Variants in CNTN3 observed in about 807,000 individuals in gnomAD.
CNTN3 encodes the protein contactin-3.
CNTN3 carries 60 observed loss-of-function variants against 119.1 expected under a neutral mutation model. The ratio of observed to expected loss-of-function variants is 0.50; its 90% CI spans 0.41 to 0.62. The LOEUF (loss-of-function observed/expected upper bound fraction) is 0.62, where lower values mean the gene tolerates loss of function less well. Ranked by LOEUF, CNTN3 falls within the 20% of genes least tolerant of loss-of-function variation. The pLI is 0.00. For synonymous variants in CNTN3, 450 were observed against 438.7 expected, an observed-to-expected ratio of 1.03 and a Z score of -0.32; for missense variants, 1,101 against 1,242.4, an observed-to-expected ratio of 0.89 and a Z score of 1.71.
chr3:74,495,622 CAGA>C (rs1480069299), intron 3 of CNTN3, among the ~76,000 whole-genome samples: 35 of 152,054 alleles, frequency 2.3e-4, no homozygotes, highest in Admixed American at 1.2e-3. Flanking sequence ...AAATGGTTAG[CAGA>C]ATTTAGCACA....
chr3:74,505,686 G>A (rs1703245705), intron 2 of CNTN3, among the ~76,000 whole-genome samples: 1 of 151,766 alleles, frequency 6.6e-6, no homozygotes, highest in African/African-American at 2.4e-5. Flanking sequence ...TGTAACCAAT[G>A]CTCTAGAAAA....
chr3:74,357,324 C>T (rs750317522), intron 11 of CNTN3, among the ~76,000 whole-genome samples: 1 of 151,942 alleles, frequency 6.6e-6, no homozygotes, highest in Non-Finnish European at 1.5e-5. Context: ...CCTCTTGTTG[C>T]CCAGGCTGGA....
At chr3:74,435,463 C>T (rs1057064486) in intron 4 of CNTN3, among the ~76,000 whole-genome samples, 2 of 152,136 alleles carry the variant, frequency 1.3e-5, no homozygotes, top group South Asian at 4.1e-4. Flanking sequence ...AGGCATGAGC[C>T]ACCACACTGA....
intron 5 of CNTN3, 142 bp from the exon 6 acceptor site, chr3:74,371,541 T>C (rs1169773683): frequency 1.6e-6 from 1 of 624,292 alleles, no homozygotes; most frequent in East Asian, 2.7e-5. Context: ...GAGAAGCAGT[T>C]AAGTGAAATA....
rs1171316521 is a variant in CNTN3, at chr3:74,263,849, C to G, written c.*552G>C. On this transcript the variant is annotated 3_prime_UTR_variant, in exon 23 of 23. Coordinates refer to ENST00000263665, the MANE Select transcript of CNTN3 (RefSeq NM_020872.3). ...AGTCTTACAACTAGTTAGCAGCATA[C>G]CAAACCAAACATCATTCTTCTAAGC... The G allele has an allele frequency of 6.6e-6, 1 of 152,060 alleles. No homozygotes were observed. Among genetic ancestry groups the G allele is most frequent in the Non-Finnish European group, 1.5e-5 (1 of 67,986 alleles). The allele number at this position is 152,060 out of a possible 1,614,324, so 9.4% of individuals were successfully genotyped here.
chr3:74,413,720 A>T (rs796770029), intron 5 of CNTN3, among the ~76,000 whole-genome samples: 2 of 152,142 alleles, frequency 1.3e-5, no homozygotes, highest in South Asian at 4.1e-4. Flanking sequence ...CTGTGAATGA[A>T]TTCTTACTGA....
intron 1 of CNTN3, among the ~76,000 whole-genome samples, chr3:74,605,633 A>T (rs1704979564): frequency 6.6e-6 from 1 of 152,044 alleles, no homozygotes; most frequent in Non-Finnish European, 1.5e-5. Context: ...CACTCACATC[A>T]CTGGCTACCA....
chr3:74,385,076 C>T (rs1704714499), intron 5 of CNTN3, among the ~76,000 whole-genome samples: 1 of 152,164 alleles, frequency 6.6e-6, no homozygotes, highest in Non-Finnish European at 1.5e-5. Flanking sequence ...ATTTCTGTCA[C>T]TCGTAGACAC....
chr3:74,466,567 G>T (rs1056414119), intron 4 of CNTN3, among the ~76,000 whole-genome samples: 1 of 152,030 alleles, frequency 6.6e-6, no homozygotes, highest in Non-Finnish European at 1.5e-5. Context: ...TATTCTAATG[G>T]GAACTTAAGG....
intron 8 of CNTN3, among the ~76,000 whole-genome samples, chr3:74,368,302 T>TATAGG (rs1704247061): frequency 6.6e-6 from 1 of 152,124 alleles, no homozygotes; most frequent in Non-Finnish European, 1.5e-5. Flanking sequence ...CATGCACATA[T>TATAGG]GCTATCCAAG....
chr3:74,487,456 C>A (rs1170391275), intron 3 of CNTN3, among the ~76,000 whole-genome samples: 2 of 152,110 alleles, frequency 1.3e-5, no homozygotes, highest in Non-Finnish European at 2.9e-5. Context: ...ACACTGCCAT[C>A]AGTTCTGTAA....
intron 2 of CNTN3, among the ~76,000 whole-genome samples, chr3:74,501,255 C>T (rs1042856787): frequency 9.9e-5 from 15 of 151,946 alleles, no homozygotes; most frequent in Admixed American, 2.6e-4. Flanking sequence ...TATCAAATGA[C>T]GTGGAGACTG....
intron 20 of CNTN3, among the ~76,000 whole-genome samples, chr3:74,282,225 G>A (rs1434036666): frequency 1.3e-5 from 2 of 151,938 alleles, no homozygotes; most frequent in East Asian, 1.9e-4. Flanking sequence ...AGTGTTTAAT[G>A]GAAGCTACAG....
At chr3:74,592,799 A>G (rs554627439) in intron 1 of CNTN3, among the ~76,000 whole-genome samples, 17 of 152,110 alleles carry the variant, frequency 1.1e-4, no homozygotes, top group Admixed American at 3.9e-4. Flanking sequence ...TTTACATTTT[A>G]TATGTCACAC....
intron 4 of CNTN3, among the ~76,000 whole-genome samples, chr3:74,455,193 G>A (rs1341801345): frequency 6.6e-6 from 1 of 152,038 alleles, no homozygotes; most frequent in East Asian, 1.9e-4. Context: ...TTTCTTGGAG[G>A]CTTTGTTCAT....
chr3:74,473,104 T>C (rs969490371), intron 4 of CNTN3, among the ~76,000 whole-genome samples: 5 of 151,274 alleles, frequency 3.3e-5, no homozygotes, highest in Non-Finnish European at 5.9e-5. Context: ...AAGTGAATAA[T>C]GTGCTACCCT....
chr3:74,379,321 A>C (rs1271687234), intron 5 of CNTN3, among the ~76,000 whole-genome samples: 1 of 151,968 alleles, frequency 6.6e-6, no homozygotes, highest in East Asian at 1.9e-4. Context: ...ATGTCTGGCT[A>C]ATTTTTGTAT....
chr3:74,427,175 G>A (rs1356822927), intron 4 of CNTN3, among the ~76,000 whole-genome samples: 3 of 152,126 alleles, frequency 2.0e-5, no homozygotes, highest in African/African-American at 4.8e-5. Context: ...TGATATGGCC[G>A]GTTCATGGAC....
chr3:74,564,588 G>C (rs1704200297), intron 1 of CNTN3, among the ~76,000 whole-genome samples: 1 of 150,390 alleles, frequency 6.6e-6, no homozygotes, highest in South Asian at 2.1e-4. Flanking sequence ...GTAGGCACAA[G>C]GTCCTGTACG....
Sources: gnomAD v4.1 joint callset for allele counts (sites outside exome capture counted in the v4.1 genomes callset) on GRCh38, gnomAD v4.1.1 for gene constraint, MANE v1.5 for transcripts, NCBI Gene and HGNC (gene_info 2026-07-23, HGNC 2026-07-21) for gene names.